ARHGEF11: variants seen among roughly 807,000 people sequenced by gnomAD.
ARHGEF11 encodes the protein Rho guanine nucleotide exchange factor 11.
Under a neutral mutation model 193.7 loss-of-function variants are expected in ARHGEF11, and 55 were observed. The observed-to-expected ratio is 0.28, with a 90% CI of 0.23 to 0.36. The LOEUF (loss-of-function observed/expected upper bound fraction) is 0.36. Ranked by LOEUF, ARHGEF11 falls within the 10% of genes least tolerant of loss-of-function variation. The probability of loss-of-function intolerance (pLI) is 1.00; values close to 1 mark genes in which losing one functional copy is unlikely to be tolerated. For synonymous variants in ARHGEF11, 693 were observed against 768.0 expected, an observed-to-expected ratio of 0.90 and a Z score of 1.62; for missense variants, 1,723 against 2,005.6, an observed-to-expected ratio of 0.86 and a Z score of 2.69.
chr1:156,968,781 A>G (rs1662095225), intron 10 of ARHGEF11, among the ~76,000 whole-genome samples: 2 of 152,242 alleles, frequency 1.3e-5, no homozygotes, highest in South Asian at 2.1e-4. Context: ...AACACCTGGA[A>G]GAGATAACCT....
At chr1:156,982,405 A>C (rs915424301) in intron 3 of ARHGEF11, among the ~76,000 whole-genome samples, 1 of 152,218 alleles carries the variant, frequency 6.6e-6, no homozygotes, top group Admixed American at 6.5e-5. Context: ...CAGAACACAG[A>C]CTATACTTTG....
chr1:156,955,350 T>A (rs1473456613), intron 20 of ARHGEF11, among the ~76,000 whole-genome samples: 1 of 152,190 alleles, frequency 6.6e-6, no homozygotes, highest in Non-Finnish European at 1.5e-5. Flanking sequence ...TGTAGTCTTG[T>A]GTGCTAGGAC....
intron 1 of ARHGEF11, among the ~76,000 whole-genome samples, chr1:156,996,548 C>A (rs569945606): frequency 2.6e-5 from 4 of 151,716 alleles, no homozygotes; most frequent in Non-Finnish European, 2.9e-5. Context: ...AAGAGGCGGG[C>A]GGATCACGAG....
chr1:156,942,617 C>T (rs1657258750), intron 33 of ARHGEF11, 73 bp downstream of exon 33: 7 of 1,412,282 alleles, frequency 5.0e-6, no homozygotes, highest in Non-Finnish European at 7.0e-6. Flanking sequence ...GCCTTGCTAC[C>T]CACTGTCCTC....
intron 1 of ARHGEF11, among the ~76,000 whole-genome samples, chr1:157,025,518 C>T (rs1303643066): frequency 2.6e-5 from 4 of 152,182 alleles, no homozygotes; most frequent in Non-Finnish European, 5.9e-5. Flanking sequence ...CCCCTCCCCA[C>T]CACATCTTCC....
chr1:157,017,720 A>G (rs1669445595), intron 1 of ARHGEF11, among the ~76,000 whole-genome samples: 1 of 151,250 alleles, frequency 6.6e-6, no homozygotes, highest in Admixed American at 6.6e-5. Flanking sequence ...AAAAAAAAAA[A>G]AAAAAAAAAA....
chr1:156,980,630 T>A, intron 3 of ARHGEF11, 144 bp from the exon 4 acceptor site: 1 of 865,538 alleles, frequency 1.2e-6, no homozygotes, highest in Non-Finnish European at 1.8e-6. Flanking sequence ...TACTTCCTAT[T>A]CTACTCCAGT....
chr1:157,035,792 G>A (rs1313299057), intron 1 of ARHGEF11, among the ~76,000 whole-genome samples: 3 of 122,044 alleles, frequency 2.5e-5, no homozygotes, highest in South Asian at 2.5e-4. Context: ...ATATATATAG[G>A]AATATATATA....
chr1:156,945,989 T>G, intron 29 of ARHGEF11, 56 bp downstream of exon 29: 1 of 1,415,092 alleles, frequency 7.1e-7, no homozygotes. Context: ...AGTGTCAGAA[T>G]GAGGGTCTGG....
chr1:156,984,454 A>C lies in ARHGEF11; in HGVS notation c.125-17T>G. The stretch of plus-strand genomic sequence containing the variant: ...GAACGAGACCTGGAAGGCGGAGAGA[A>C]AGGTTGAGTACGCAGTGTCACTGGG... On this transcript the variant is annotated splice_polypyrimidine_tract_variant and intron_variant, in intron 2 of 40. Transcript: ENST00000368194. 2 of 1,563,958 alleles carry C rather than the reference A, an allele frequency of 1.3e-6. No homozygotes were observed. Among genetic ancestry groups the C allele is most frequent in the African/African-American group, 1.3e-5 (1 of 74,432 alleles).
At chr1:156,977,911 T>C (rs1417001333) in intron 6 of ARHGEF11, among the ~76,000 whole-genome samples, 2 of 152,248 alleles carry the variant, frequency 1.3e-5, no homozygotes, top group Non-Finnish European at 2.9e-5. Flanking sequence ...CTCTCTCTGA[T>C]GAGGAGCACT....
At chr1:156,994,058 A>G (rs1346581797) in intron 1 of ARHGEF11, among the ~76,000 whole-genome samples, 1 of 152,202 alleles carries the variant, frequency 6.6e-6, no homozygotes, top group Admixed American at 6.5e-5. Context: ...TAACTTGGAG[A>G]AACTCTTGAA....
intron 1 of ARHGEF11, among the ~76,000 whole-genome samples, chr1:157,022,609 C>T (rs1670128521): frequency 6.6e-6 from 1 of 152,132 alleles, no homozygotes; most frequent in Non-Finnish European, 1.5e-5. Flanking sequence ...AAGTTATCTA[C>T]AGATTTGATG....
chr1:156,947,670 C>T, intron 25 of ARHGEF11, 99 bp downstream of exon 25: 1 of 1,482,438 alleles, frequency 6.7e-7, no homozygotes, highest in Non-Finnish European at 9.1e-7. Context: ...ACAGGGGCCC[C>T]CCACCCTATT....
chr1:157,025,272 G>T (rs1670508473), intron 1 of ARHGEF11, among the ~76,000 whole-genome samples: 1 of 152,156 alleles, frequency 6.6e-6, no homozygotes, highest in Non-Finnish European at 1.5e-5. Context: ...TCTTTTGCAG[G>T]TGCCTTTCCA....
intron 1 of ARHGEF11, among the ~76,000 whole-genome samples, chr1:157,030,948 G>A (rs551309419): frequency 8.6e-5 from 5 of 58,026 alleles, no homozygotes; most frequent in South Asian, 1.2e-3. Context: ...CCCCGCCCCC[G>A]CCCTGGCCCA....
At chr1:156,991,968 G>A (rs1013914294) in intron 1 of ARHGEF11, among the ~76,000 whole-genome samples, 4 of 151,594 alleles carry the variant, frequency 2.6e-5, no homozygotes, top group East Asian at 1.9e-4. Context: ...CGCCCGCCTC[G>A]GCCTCCCAAA....
At chr1:156,991,439 C>CAA (rs1167216652) in intron 1 of ARHGEF11, among the ~76,000 whole-genome samples, 3 of 152,146 alleles carry the variant, frequency 2.0e-5, no homozygotes, top group Non-Finnish European at 4.4e-5. Flanking sequence ...CCTGCCTTAG[C>CAA]CTCCCAAGTA....
intron 40 of ARHGEF11, among the ~76,000 whole-genome samples, chr1:156,936,495 A>AT (rs1330599702): frequency 4.2e-3 from 241 of 57,032 alleles, no homozygotes; most frequent in Non-Finnish European, 5.3e-3. Context: ...AAAAAAAAAA[A>AT]AAATATATAT....
Sources: gnomAD v4.1 joint callset for allele counts (sites outside exome capture counted in the v4.1 genomes callset) on GRCh38, gnomAD v4.1.1 for gene constraint, MANE v1.5 for transcripts, NCBI Gene and HGNC (gene_info 2026-07-23, HGNC 2026-07-21) for gene names.